CCNE2: variants seen among roughly 807,000 people sequenced by gnomAD.
The protein encoded by CCNE2 is G1/S-specific cyclin-E2.
In CCNE2, 18 loss-of-function variants were observed where a neutral mutation model predicts 56.8. The observed-to-expected ratio is 0.32, with a 90% confidence interval of 0.22 to 0.47. The LOEUF is 0.47. Among genes scored for constraint, CCNE2 ranks in the 20% least tolerant of loss-of-function variants. The pLI is 1.00. For missense variants in CCNE2, 371 were observed against 467.1 expected, an observed-to-expected ratio of 0.79 and a Z score of 1.90; for synonymous variants, 139 against 149.2, an observed-to-expected ratio of 0.93 and a Z score of 0.50.
intron 6 of CCNE2, among the ~76,000 whole-genome samples, 189 bp downstream of exon 6, chr8:94,890,226 C>A (rs1274264584): frequency 6.6e-6 from 1 of 152,176 alleles, no homozygotes; most frequent in Non-Finnish European, 1.5e-5. Context: ...TATGTAGTAG[C>A]TTTGTCATGG....
chr8:94,882,413 A>G (rs1379637841), intron 10 of CCNE2, 124 bp from the exon 11 acceptor site: 2 of 746,724 alleles, frequency 2.7e-6, no homozygotes, highest in Non-Finnish European at 4.1e-6. Flanking sequence ...ATAACCAAGA[A>G]GTTTAGCATG....
In CCNE2 at chr8:94,880,492, T is replaced by C. The variant is rs906391123; in HGVS notation, c.*1140A>G. On this transcript the variant is annotated 3_prime_UTR_variant, in exon 12 of 12. Transcript: ENST00000308108. Reference sequence around the variant, plus strand: ...AAACTAGCAATCTAGTTTTCTAATCTACTTTATGAGGCTGGATTTTTTTTT... The same window carrying C: ...AAACTAGCAATCTAGTTTTCTAATCCACTTTATGAGGCTGGATTTTTTTTT... 1 of 309,928 alleles carries C rather than the reference T, an allele frequency of 3.2e-6. No homozygotes were observed. Among genetic ancestry groups the C allele is most frequent in the Non-Finnish European group, 5.8e-6 (1 of 172,682 alleles). 19.2% of individuals were successfully genotyped at this position (309,928 alleles called of 1,614,324 possible). A position where few individuals can be genotyped will look rare whatever the true frequency, so the allele number is the denominator to read the frequency against.
chr8:94,882,786 G>A lies in CCNE2; in HGVS notation c.938C>T (p.Ala313Val), dbSNP rs560624813. The A allele has an allele frequency of 1.9e-6, 3 of 1,608,022 alleles. No individual in the cohort carries two copies. Among genetic ancestry groups the A allele is most frequent in the Non-Finnish European group, 2.6e-6 (3 of 1,174,566 alleles). ...HFTSIEVVKKASGLEWDSISE... is the reference protein window; with the variant it reads ...HFTSIEVVKKVSGLEWDSISE... Reference sequence around the variant, plus strand: ...CAACAAATAGAGAGTCTTACCTGAGGCTTTCTTAACCACTTCAATGGAGGT... The same window carrying A: ...CAACAAATAGAGAGTCTTACCTGAGACTTTCTTAACCACTTCAATGGAGGT... Residue 313 changes from alanine to valine, a missense_variant, in exon 10 of 12, where the codon GCC (alanine) becomes GTC (valine). Ala to Val is a moderately conservative substitution (Grantham distance 64, BLOSUM62 0). Transcript: ENST00000308108.
Position 94,890,553 on chromosome 8 carries a change from A to G in CCNE2, c.318-3T>C. 6.9e-7 allele frequency: 1 copy of G among 1,448,322 alleles called. No individual in the cohort carries two copies. Among genetic ancestry groups the G allele is most frequent in the Non-Finnish European group, 9.3e-7 (1 of 1,073,862 alleles). The allele number at this position is 1,448,322 out of a possible 1,614,324, so 89.7% of individuals were successfully genotyped here. ...AGACTTCTTTTGAACATCCCCAGCT[A>G]TGGAAAGAGAGGAAAAAAACCATAT... On this transcript the variant is annotated splice_polypyrimidine_tract_variant and splice_region_variant and intron_variant, in intron 5 of 11. Coordinates refer to ENST00000308108, the MANE Select transcript of CCNE2 (RefSeq NM_057749.3).
Position 94,880,524 on chromosome 8 carries a change from A to G in CCNE2, c.*1108T>C, listed in dbSNP as rs1816768116. 1 of 298,988 alleles carries G rather than the reference A, an allele frequency of 3.3e-6. No individual in the cohort carries two copies. The highest frequency in any genetic ancestry group is 6.0e-6 in the Non-Finnish European group (1 of 165,908). 18.5% of individuals were successfully genotyped at this position (298,988 alleles called of 1,614,324 possible). A position where few individuals can be genotyped will look rare whatever the true frequency, so the allele number is the denominator to read the frequency against. On this transcript the variant is annotated 3_prime_UTR_variant, in exon 12 of 12. Transcript: ENST00000308108. ...TGAGGCTGGATTTTTTTTTTAGAAA[A>G]GCTAATTTAAAATATTTAGAAATAG...
chr8:94,882,572 A>G (rs7009940), intron 10 of CCNE2, among the ~76,000 whole-genome samples: 33,340 of 152,194 alleles, frequency 0.22, 3,736 homozygotes, highest in Middle Eastern at 0.27. Flanking sequence ...ATGTTGATTC[A>G]TTTCAACTGT....
intron 8 of CCNE2, 46 bp from the exon 9 acceptor site, chr8:94,885,247 T>TA: frequency 6.5e-7 from 1 of 1,545,890 alleles, no homozygotes; most frequent in Non-Finnish European, 8.9e-7. Context: ...TGTAGACACA[T>TA]ACACCACATT....
chr8:94,890,378 T>G, intron 6 of CCNE2, 37 bp downstream of exon 6: 1 of 1,524,546 alleles, frequency 6.6e-7, no homozygotes, highest in Non-Finnish European at 8.8e-7. Context: ...GTTTCCATCA[T>G]ACAGAGACAA....
At position 94,881,463 on chromosome 8, in the gene CCNE2, T is replaced by C; in HGVS notation, c.*169A>G. 1.6e-6 allele frequency: 1 copy of C among 606,130 alleles called. No individual in the cohort carries two copies. Among genetic ancestry groups the C allele is most frequent in the Middle Eastern group, 3.9e-4 (1 of 2,552 alleles). The allele number at this position is 606,130 out of a possible 1,614,324, so 37.5% of individuals were successfully genotyped here. On this transcript the variant is annotated 3_prime_UTR_variant, in exon 12 of 12. Transcript: ENST00000308108. ...ACAGCTAACATAGGAAATAATTAAATGTATTCTTTAGTGCCAATTGTAAGT... is the reference window on the plus strand; with the variant it reads ...ACAGCTAACATAGGAAATAATTAAACGTATTCTTTAGTGCCAATTGTAAGT...
At chr8:94,896,571 G>C (rs989035704), upstream of CCNE2, 1 of 152,120 alleles carries the variant, frequency 6.6e-6, no homozygotes, top group Non-Finnish European at 1.5e-5. Context: ...TGGAGGAGCA[G>C]TGCGAAGGCG....
Position 94,885,183 on chromosome 8 carries a change from A to C in CCNE2, c.715T>G (p.Cys239Gly). Reference sequence around the variant, plus strand: ...AGCCAGGAGATGATTGTTACAGGACAAAGTTCCCATTTTAAAGCCTATTAA... The same window carrying C: ...AGCCAGGAGATGATTGTTACAGGACCAAGTTCCCATTTTAAAGCCTATTAA... ...IILKALKWEL[C>G]PVTIISWLNL... The change falls in exon 9 of 12, where the codon TGT becomes GGT. Residue 239 changes from cysteine (C) to glycine (G), a missense_variant. Cys to Gly is a radical substitution (Grantham distance 159, BLOSUM62 -3). Coordinates refer to ENST00000308108, the MANE Select transcript of CCNE2 (RefSeq NM_057749.3). 6.2e-6 allele frequency: 10 copies of C among 1,613,702 alleles called. No homozygotes were observed. The highest frequency in any genetic ancestry group is 8.5e-6 in the Non-Finnish European group (10 of 1,179,768).
chr8:94,894,498 T>C, intron 1 of CCNE2: 1 of 480,722 alleles, frequency 2.1e-6, no homozygotes, highest in Non-Finnish European at 3.7e-6. Flanking sequence ...TCCTGACACC[T>C]TGAACGCGCA....
At chr8:94,885,866 G>A (rs909335143) in intron 7 of CCNE2, among the ~76,000 whole-genome samples, 2 of 151,170 alleles carry the variant, frequency 1.3e-5, no homozygotes, top group South Asian at 4.2e-4. Context: ...TTACAGGTGT[G>A]TGCCACTGTG....
intron 7 of CCNE2, among the ~76,000 whole-genome samples, chr8:94,886,220 A>C (rs1286433291): frequency 6.6e-6 from 1 of 152,190 alleles, no homozygotes. Context: ...AATCTCAGTA[A>C]AATAATTCTA....
Position 94,881,368 on chromosome 8 carries a change from TGTGGTTGG to T in CCNE2, c.*256_*263del. ...GGAAAAACATTGCTATGGTATAGAC[TGTGGTTGG>T]CTTCTATCCAGTAACCTTGGGAATG... On this transcript the variant is annotated 3_prime_UTR_variant, in exon 12 of 12. Coordinates refer to ENST00000308108, the MANE Select transcript of CCNE2 (RefSeq NM_057749.3). 2.0e-6 allele frequency: 1 copy of T among 501,680 alleles called. No homozygotes were observed. The allele number at this position is 501,680 out of a possible 1,614,324, so 31.1% of individuals were successfully genotyped here. A position where few individuals can be genotyped will look rare whatever the true frequency, so the allele number is the denominator to read the frequency against.
chr8:94,889,136 G>A (rs1453739403), intron 6 of CCNE2, among the ~76,000 whole-genome samples: 6 of 150,172 alleles, frequency 4.0e-5, no homozygotes, highest in Non-Finnish European at 2.9e-5. Flanking sequence ...TGACAACAGC[G>A]AGGCTCCGTC....
At chr8:94,885,623 T>C (rs564061904) in intron 7 of CCNE2, 65 bp from the exon 8 acceptor site, 2 of 971,824 alleles carry the variant, frequency 2.1e-6, no homozygotes, top group South Asian at 3.1e-5. Flanking sequence ...TGTTCCTCAG[T>C]CTACAATGGG....
At chr8:94,889,517 C>A (rs1168983431) in intron 6 of CCNE2, among the ~76,000 whole-genome samples, 1 of 152,088 alleles carries the variant, frequency 6.6e-6, no homozygotes, top group Non-Finnish European at 1.5e-5. Flanking sequence ...TTCTTGTGCC[C>A]ACAATTAAAA....
At position 94,881,636 on chromosome 8, in the gene CCNE2, T is replaced by G. The variant is rs138035191; in HGVS notation, c.1211A>C (p.His404Pro). 25 of 1,613,094 alleles carry G rather than the reference T, an allele frequency of 1.5e-5. No homozygotes were observed. The highest frequency in any genetic ancestry group is 3.4e-5 in the Admixed American group (2 of 59,610). The change falls in exon 12 of 12, where the codon CAC becomes CCC. Residue 404 changes from histidine to proline, a missense_variant. Transcript: ENST00000308108. ...TTGTTTGCTTAGTTATCTTCTTTAG[T>G]GTTTTCCTGGTGGTTTTTCAGTGCT... ...PKSTEKPPGK[H>P]
Sources: allele counts gnomAD v4.1 joint callset (sites outside exome capture counted in the v4.1 genomes callset), GRCh38; gene constraint gnomAD v4.1.1; transcripts MANE v1.5; gene names NCBI Gene and HGNC (gene_info 2026-07-23, HGNC 2026-07-21).